ABCD3: variants seen among roughly 807,000 people sequenced by gnomAD.
The protein encoded by ABCD3 is ATP-binding cassette sub-family D member 3.
A neutral mutation model predicts 105.5 loss-of-function variants in ABCD3; 41 were observed. The observed-to-expected ratio is 0.39, with a 90% CI of 0.30 to 0.50. The LOEUF is 0.50. ABCD3 is among the 20% of genes least tolerant of loss of function. The pLI is 0.84. For synonymous variants in ABCD3, 258 were observed against 269.0 expected (o/e 0.96, Z 0.40); for missense variants, 622 against 806.3 (o/e 0.77, Z 2.77).
intron 3 of ABCD3, among the ~76,000 whole-genome samples, chr1:94,466,839 T>A (rs1335377318): frequency 1.3e-5 from 2 of 152,208 alleles, no homozygotes; most frequent in Admixed American, 1.3e-4. Flanking sequence ...CCCTGGGAAT[T>A]AGTAAGGGAG....
rs111575337 is a variant in ABCD3, at chr1:94,496,673, A to G, written c.1387-1929A>G. Among the ~76,000 whole-genome samples the G allele has an allele frequency of 9.5e-3, 1,212 of 127,230 alleles. 21 individuals carry two copies. The highest frequency in any genetic ancestry group is 0.035 in the African/African-American group (1,173 of 33,218). 83.5% of individuals were successfully genotyped at this position (127,230 alleles called of 152,430 possible). A position where few individuals can be genotyped will look rare whatever the true frequency, so the allele number is the denominator to read the frequency against. ...TATTCTTCTTTCCTGTTCATTCTTC[A>G]GTAAAATCAGCCTTGTTTCTGTTTT... On this transcript the variant is annotated intron_variant, in intron 16 of 22. Transcript: ENST00000370214.
chr1:94,467,651 A>C (rs1480248276), intron 3 of ABCD3, among the ~76,000 whole-genome samples: 1 of 152,208 alleles, frequency 6.6e-6, no homozygotes, highest in East Asian at 1.9e-4. Flanking sequence ...TAGGTATATG[A>C]AGGCAAGTCC....
chr1:94,486,336 A>G (rs1462070416), intron 10 of ABCD3, among the ~76,000 whole-genome samples: 1 of 152,198 alleles, frequency 6.6e-6, no homozygotes, highest in African/African-American at 2.4e-5. Context: ...CCGAGGGATG[A>G]CTGTATTACA....
intron 1 of ABCD3, among the ~76,000 whole-genome samples, chr1:94,423,516 T>TA (rs1659345347): frequency 6.6e-6 from 1 of 152,226 alleles, no homozygotes; most frequent in African/African-American, 2.4e-5. Flanking sequence ...TTTTAGAAGG[T>TA]ACTTACATCT....
At chr1:94,501,071 G>A (rs1650067942) in intron 20 of ABCD3, among the ~76,000 whole-genome samples, 4 of 152,010 alleles carry the variant, frequency 2.6e-5, no homozygotes, top group African/African-American at 4.8e-5. Context: ...TTAAACCAAG[G>A]AACAGTGTGT....
the ABCD3 span, among the ~76,000 whole-genome samples, chr1:94,408,982 T>C: frequency 1.3e-5 from 2 of 152,180 alleles, no homozygotes; most frequent in South Asian, 4.1e-4. Context: ...CTTTTCCTTA[T>C]ACTAATTCTA....
At chr1:94,445,096 G>GTTT (rs2100924034) in intron 1 of ABCD3, among the ~76,000 whole-genome samples, 1 of 152,288 alleles carries the variant, frequency 6.6e-6, no homozygotes, top group Non-Finnish European at 1.5e-5. Context: ...AATGCTTTTA[G>GTTT]TTAATCTCTA....
chr1:94,396,602 T>C, the ABCD3 span, among the ~76,000 whole-genome samples: 1 of 151,044 alleles, frequency 6.6e-6, no homozygotes. Flanking sequence ...TGTGTGTGTG[T>C]GTGTGTGTGC....
At chr1:94,486,339 G>A (rs541030340) in intron 10 of ABCD3, among the ~76,000 whole-genome samples, 1 of 152,320 alleles carries the variant, frequency 6.6e-6, no homozygotes, top group East Asian at 1.9e-4. Flanking sequence ...AGGGATGACT[G>A]TATTACAGTC....
the ABCD3 span, among the ~76,000 whole-genome samples, chr1:94,401,550 A>G: frequency 6.6e-6 from 1 of 152,260 alleles, no homozygotes; most frequent in Admixed American, 6.5e-5. Flanking sequence ...CTTGAGAGAC[A>G]TTTGAGATAA....
rs1356663180 is a variant in ABCD3, at chr1:94,517,445, TCG to T, written c.*317_*318del. ...TGATTCATCCTGGGATGTAAACCATTCGAAGTCAGCTAATTGGACTTTTATGG... is the reference window on the plus strand; with the variant it reads ...TGATTCATCCTGGGATGTAAACCATTAAGTCAGCTAATTGGACTTTTATGG... On this transcript the variant is annotated 3_prime_UTR_variant, in exon 23 of 23. Transcript: ENST00000370214. 3.3e-6 allele frequency: 1 copy of T among 301,564 alleles called. No individual in the cohort carries two copies. Among genetic ancestry groups the T allele is most frequent in the Non-Finnish European group, 6.3e-6 (1 of 157,488 alleles). The allele number at this position is 301,564 out of a possible 1,614,324, so 18.7% of individuals were successfully genotyped here. A position where few individuals can be genotyped will look rare whatever the true frequency, so the allele number is the denominator to read the frequency against.
At chr1:94,413,248 T>G in the ABCD3 span, among the ~76,000 whole-genome samples, 1 of 152,214 alleles carries the variant, frequency 6.6e-6, no homozygotes, top group East Asian at 1.9e-4. Flanking sequence ...AATTTTGAAT[T>G]TATCCTTTTT....
chr1:94,514,371 A>G (rs1294355364), intron 21 of ABCD3: 3 of 152,070 alleles, frequency 2.0e-5, no homozygotes, highest in African/African-American at 4.8e-5. Context: ...CTGAGGGACA[A>G]ATATCACTGA....
rs1649968804 is a variant in ABCD3, at chr1:94,499,010, G to A, written c.1596G>A (p.Gln532=). ...QVIYPDGRED[Q]KRKGISDLVL... is the part of the protein sequence containing the mutation. ...TATATCCAGATGGACGAGAAGATCAGAAAAGGAAGGGAATTTCTGACCTAG... is the reference window on the plus strand; with the variant it reads ...TATATCCAGATGGACGAGAAGATCAAAAAAGGAAGGGAATTTCTGACCTAG... The change falls in exon 19 of 23, where the codon CAG becomes CAA. Residue 532 remains glutamine, a synonymous_variant. Transcript: ENST00000370214. 2 of 1,613,734 alleles carry A rather than the reference G, an allele frequency of 1.2e-6. No homozygotes were observed. The highest frequency in any genetic ancestry group is 3.3e-5 in the Admixed American group (2 of 59,972).
chr1:94,465,269 G>C (rs528509198), intron 3 of ABCD3, among the ~76,000 whole-genome samples: 1 of 152,280 alleles, frequency 6.6e-6, no homozygotes, highest in Non-Finnish European at 1.5e-5. Context: ...GATTTGGGTG[G>C]AGACAGATAC....
At chr1:94,396,656 ATTC>A in the ABCD3 span, among the ~76,000 whole-genome samples, 1 of 152,076 alleles carries the variant, frequency 6.6e-6, no homozygotes, top group Non-Finnish European at 1.5e-5. Flanking sequence ...TTTTATGTAA[ATTC>A]TTCTTAATTT....
chr1:94,487,465 A>G (rs898943163), intron 10 of ABCD3, 77 bp from the exon 11 acceptor site: 4 of 1,228,676 alleles, frequency 3.3e-6, no homozygotes, highest in Non-Finnish European at 4.7e-6. Context: ...TGAACTATAC[A>G]GTTTGTTTTA....
At chr1:94,416,531 G>C (rs554582948), upstream of ABCD3, among the ~76,000 whole-genome samples, 3 of 152,164 alleles carry the variant, frequency 2.0e-5, no homozygotes, top group African/African-American at 7.2e-5. Context: ...TGAGGTCGTT[G>C]GGGCTCACAA....
At chr1:94,438,743 C>T (rs1026872469) in intron 1 of ABCD3, among the ~76,000 whole-genome samples, 12 of 152,022 alleles carry the variant, frequency 7.9e-5, no homozygotes, top group Admixed American at 5.9e-4. Flanking sequence ...CATTTTTTAG[C>T]AATAAAGTAT....
Sources: allele counts gnomAD v4.1 joint callset (sites outside exome capture counted in the v4.1 genomes callset), GRCh38; gene constraint gnomAD v4.1.1; transcripts MANE v1.5; gene names NCBI Gene and HGNC (gene_info 2026-07-23, HGNC 2026-07-21).